Variants in XKR4 observed in about 807,000 individuals in gnomAD.
XKR4 encodes the protein XK-related protein 4.
Under a neutral mutation model 53.9 loss-of-function variants are expected in XKR4, and 12 were observed. The ratio of observed to expected loss-of-function variants is 0.22; its 90% CI spans 0.14 to 0.36. The LOEUF is 0.36. Among genes scored for constraint, XKR4 ranks in the 10% least tolerant of loss-of-function variants. The pLI, the probability that XKR4 is intolerant of heterozygous loss-of-function variation, is 1.00. For missense variants in XKR4, 799 were observed against 859.5 expected (o/e 0.93, Z 0.88); for synonymous variants, 354 against 362.4 (o/e 0.98, Z 0.26).
At chr8:55,341,705 A>G (rs1189842197) in intron 1 of XKR4, among the ~76,000 whole-genome samples, 1 of 152,066 alleles carries the variant, frequency 6.6e-6, no homozygotes, top group Non-Finnish European at 1.5e-5. Context: ...TTTCCTCCTA[A>G]CCCCATAGGT....
chr8:55,384,760 G>C (rs373524243), intron 2 of XKR4, among the ~76,000 whole-genome samples: 2 of 152,216 alleles, frequency 1.3e-5, no homozygotes, highest in East Asian at 3.8e-4. Flanking sequence ...CAGTAGCTGA[G>C]AGCAAATCCA....
chr8:55,481,649 G>A (rs1323469167), intron 2 of XKR4, among the ~76,000 whole-genome samples: 1 of 151,856 alleles, frequency 6.6e-6, no homozygotes, highest in Non-Finnish European at 1.5e-5. Context: ...CTACTCATCT[G>A]ACAAAGGGCT....
intron 1 of XKR4, among the ~76,000 whole-genome samples, chr8:55,289,536 AGAAAGAAG>A (rs1341151057): frequency 3.3e-5 from 3 of 90,104 alleles, no homozygotes; most frequent in African/African-American, 9.9e-5. Flanking sequence ...AAGAAAAGAA[AGAAAGAAG>A]GAAGGAAGGA....
rs530761681 is a variant in XKR4, at chr8:55,324,943, A to G, written c.807-32735A>G. Among the ~76,000 whole-genome samples the G allele has an allele frequency of 2.6e-5, 4 of 152,294 alleles. No individual in the cohort carries two copies. In the South Asian group the frequency reaches 8.3e-4, roughly 32 times the overall value. On this transcript the variant is annotated intron_variant, in intron 1 of 2. Coordinates refer to ENST00000327381, the MANE Select transcript of XKR4 (RefSeq NM_052898.2). Reference sequence around the variant, plus strand: ...AATATTTTACCACCTTTCTCATCACATAATTCTACAGGGTCACTGATTGTT... The same window carrying G: ...AATATTTTACCACCTTTCTCATCACGTAATTCTACAGGGTCACTGATTGTT...
chr8:55,484,892 C>T (rs570293985), intron 2 of XKR4, among the ~76,000 whole-genome samples: 4 of 152,350 alleles, frequency 2.6e-5, no homozygotes, highest in African/African-American at 9.6e-5. Flanking sequence ...TTCTATTTCT[C>T]TGGCTTTCAG....
At position 55,474,538 on chromosome 8, in the gene XKR4, G is replaced by A. The variant is rs552565910; in HGVS notation, c.1007-48743G>A. On this transcript the variant is annotated intron_variant, in intron 2 of 2. Coordinates refer to ENST00000327381, the MANE Select transcript of XKR4 (RefSeq NM_052898.2). The stretch of plus-strand genomic sequence containing the variant: ...TTTCAGGAAATACTCATTGGCTTCA[G>A]TGAAATGTCATCTAGTATTTTAAGA... 4.8e-4 allele frequency among the ~76,000 whole-genome samples: 73 copies of A among 152,162 alleles called. 1 individual carries two copies. Among genetic ancestry groups the A allele is most frequent in the East Asian group, 2.7e-3 (14 of 5,186 alleles).
At chr8:55,290,393 G>A (rs1376652222) in intron 1 of XKR4, among the ~76,000 whole-genome samples, 2 of 152,074 alleles carry the variant, frequency 1.3e-5, no homozygotes, top group Non-Finnish European at 2.9e-5. Flanking sequence ...GCCTCCCAAA[G>A]TGCTGGGATT....
intron 2 of XKR4, chr8:55,451,323 C>T (rs1248041560): frequency 1.6e-6 from 1 of 624,292 alleles, no homozygotes. Context: ...TGGGGTTAGA[C>T]AGAGTGGTGA....
chr8:55,290,971 T>G (rs1443788976), intron 1 of XKR4, among the ~76,000 whole-genome samples: 2 of 152,308 alleles, frequency 1.3e-5, no homozygotes, highest in Middle Eastern at 6.8e-3. Flanking sequence ...CTCAAAGATT[T>G]TCTCCCATTT....
chr8:55,441,422 A>G (rs761634378), intron 2 of XKR4, among the ~76,000 whole-genome samples: 1 of 152,230 alleles, frequency 6.6e-6, no homozygotes, highest in Non-Finnish European at 1.5e-5. Context: ...ACATATTTTA[A>G]CACAGCTCTC....
rs1016511281 is a variant in XKR4, at chr8:55,527,874, C to A, written c.*3647C>A. 4 of 152,074 alleles carry A rather than the reference C, an allele frequency of 2.6e-5. No individual in the cohort carries two copies. Among genetic ancestry groups the A allele is most frequent in the Admixed American group, 6.5e-5 (1 of 15,270 alleles). The allele number at this position is 152,074 out of a possible 1,614,324, so 9.4% of individuals were successfully genotyped here. On this transcript the variant is annotated 3_prime_UTR_variant, in exon 3 of 3. Transcript: ENST00000327381. ...GCTCTATGAGTAAAGGAAGTGATTGCACAGAACAATTAAAAGTGAATGAGA... is the reference window on the plus strand; with the variant it reads ...GCTCTATGAGTAAAGGAAGTGATTGAACAGAACAATTAAAAGTGAATGAGA...
In XKR4 at chr8:55,529,273, C is replaced by G. The variant is rs1462333472; in HGVS notation, c.*5046C>G. On this transcript the variant is annotated 3_prime_UTR_variant, in exon 3 of 3. Coordinates refer to ENST00000327381, the MANE Select transcript of XKR4 (RefSeq NM_052898.2). ...TATATTGCAGGCAGTGACCTGGCCCCCAAATGTAAAGCTTTTGTCAACCTT... is the reference window on the plus strand; with the variant it reads ...TATATTGCAGGCAGTGACCTGGCCCGCAAATGTAAAGCTTTTGTCAACCTT... 1.3e-5 allele frequency: 2 copies of G among 151,828 alleles called. No homozygotes were observed. Among genetic ancestry groups the G allele is most frequent in the African/African-American group, 4.8e-5 (2 of 41,312 alleles). 9.4% of individuals were successfully genotyped at this position (151,828 alleles called of 1,614,324 possible). A position where few individuals can be genotyped will look rare whatever the true frequency, so the allele number is the denominator to read the frequency against.
chr8:55,194,308 G>A (rs1817478851), intron 1 of XKR4, among the ~76,000 whole-genome samples: 1 of 152,126 alleles, frequency 6.6e-6, no homozygotes, highest in South Asian at 2.1e-4. Flanking sequence ...CCCTGACTAC[G>A]ACTGGCCAGG....
At chr8:55,306,696 C>CA (rs1169051471) in intron 1 of XKR4, among the ~76,000 whole-genome samples, 1 of 152,152 alleles carries the variant, frequency 6.6e-6, no homozygotes, top group African/African-American at 2.4e-5. Context: ...CCTCACACAG[C>CA]ACGTGGGAAT....
chr8:55,407,862 T>C (rs1804710004), intron 2 of XKR4, among the ~76,000 whole-genome samples: 1 of 152,256 alleles, frequency 6.6e-6, no homozygotes, highest in Non-Finnish European at 1.5e-5. Context: ...GGGAGTATCA[T>C]TGTGTCCATT....
At chr8:55,496,286 A>G (rs1806346881) in intron 2 of XKR4, among the ~76,000 whole-genome samples, 1 of 152,178 alleles carries the variant, frequency 6.6e-6, no homozygotes, top group Non-Finnish European at 1.5e-5. Context: ...ATTGTCTCTT[A>G]TTCACCCTGG....
intron 2 of XKR4, among the ~76,000 whole-genome samples, chr8:55,449,300 C>T (rs1805389630): frequency 6.6e-6 from 1 of 152,160 alleles, no homozygotes; most frequent in East Asian, 1.9e-4. Flanking sequence ...CACCTCCCGG[C>T]ACGGTGCTCA....
At chr8:55,170,546 T>C (rs1430200577) in intron 1 of XKR4, among the ~76,000 whole-genome samples, 1 of 152,182 alleles carries the variant, frequency 6.6e-6, no homozygotes, top group African/African-American at 2.4e-5. Flanking sequence ...GACCTGTGTC[T>C]GAGAACTGAC....
intron 1 of XKR4, among the ~76,000 whole-genome samples, chr8:55,122,617 AGC>A (rs1161249939): frequency 6.6e-6 from 1 of 152,228 alleles, no homozygotes; most frequent in African/African-American, 2.4e-5. Context: ...TTTTGGAATT[AGC>A]ACGTGTTAAA....
Sources: allele counts gnomAD v4.1 joint callset (sites outside exome capture counted in the v4.1 genomes callset), GRCh38; gene constraint gnomAD v4.1.1; transcripts MANE v1.5; gene names NCBI Gene and HGNC (gene_info 2026-07-23, HGNC 2026-07-21).